The following TNRC18 variants were observed in gnomAD, a reference collection of about 807,000 sequenced individuals.
TNRC18 encodes trinucleotide repeat-containing gene 18 protein.
TNRC18 carries 69 observed loss-of-function variants against 226.7 expected under a neutral mutation model. That is an observed-to-expected ratio of 0.30 (90% CI 0.25 to 0.37). TNRC18 has a LOEUF of 0.37. Among genes scored for constraint, TNRC18 ranks in the 10% least tolerant of loss-of-function variants. The pLI is 1.00. For synonymous variants in TNRC18, 2,449 were observed against 1,927.6 expected (o/e 1.27, Z -7.09); for missense variants, 4,754 against 4,256.6 (o/e 1.12, Z -3.25).
Position 5,313,859 on chromosome 7 carries a change from T to A in TNRC18, c.7032A>T (p.Arg2344Ser). 1 of 1,475,110 alleles carries A rather than the reference T, an allele frequency of 6.8e-7. No individual in the cohort carries two copies. 91.4% of individuals were successfully genotyped at this position (1,475,110 alleles called of 1,614,324 possible). ...GGTTCCCCTCCTCCAGGGTAGCGGCTCTGTCTGCAAAACAAAACAGATGAG... is the reference window on the plus strand; with the variant it reads ...GGTTCCCCTCCTCCAGGGTAGCGGCACTGTCTGCAAAACAAAACAGATGAG... ...RKPSAKAKGD[R>S]AATLEEGNPT... is the part of the protein sequence containing the mutation. Residue 2344 changes from arginine to serine, a missense_variant, in exon 27 of 30, where the codon AGA becomes AGT. Physicochemically the swap from Arg to Ser is moderately radical, Grantham distance 110. Coordinates refer to ENST00000430969, the MANE Select transcript of TNRC18 (RefSeq NM_001080495.3).
intron 4 of TNRC18, chr7:5,389,540 C>T: frequency 1.9e-6 from 1 of 519,952 alleles, no homozygotes; most frequent in Non-Finnish European, 2.8e-6. Flanking sequence ...CTGCAACCTC[C>T]ACCTCCTGGG....
At chr7:5,343,125 G>A (rs1008508762) in intron 18 of TNRC18, among the ~76,000 whole-genome samples, 12 of 152,122 alleles carry the variant, frequency 7.9e-5, no homozygotes, top group Non-Finnish European at 1.3e-4. Context: ...AGGCCGAGGC[G>A]GACAGATCAC....
chr7:5,376,094 G>A lies in TNRC18; in HGVS notation c.2739C>T (p.Phe913=), dbSNP rs766095131. Residue 913 remains phenylalanine (F), a synonymous_variant, in exon 9 of 30, where the codon TTC becomes TTT. Transcript: ENST00000430969. Reference sequence around the variant, plus strand: ...GGGCCGCCTGCTGCTGCAGGTACAGGAACTCCTGCTGCCGCAGGAAGTGCT... The same window carrying A: ...GGGCCGCCTGCTGCTGCAGGTACAGAAACTCCTGCTGCCGCAGGAAGTGCT... The part of the protein sequence containing the change: ...SQQHFLRQQE[F]LYLQQQAAQA... 39 of 1,594,154 alleles carry A rather than the reference G, an allele frequency of 2.4e-5. No homozygotes were observed. The highest frequency in any genetic ancestry group is 2.4e-4 in the South Asian group (21 of 87,818).
intron 4 of TNRC18, 152 bp downstream of exon 4, chr7:5,390,333 T>A (rs1780191885): frequency 1.2e-6 from 1 of 832,518 alleles, no homozygotes; most frequent in Non-Finnish European, 1.8e-6. Context: ...CACTCCAGCC[T>A]GGGCAACATA....
chr7:5,345,668 G>T lies in TNRC18; in HGVS notation c.5613C>A (p.Phe1871Leu). The change falls in exon 18 of 30, where the codon TTC (phenylalanine) becomes TTA (leucine). Residue 1871 changes from phenylalanine to leucine, a missense_variant. By Grantham distance (22) the Phe-to-Leu change is conservative. Coordinates refer to ENST00000430969, the MANE Select transcript of TNRC18 (RefSeq NM_001080495.3). ...TGGGGCTGGGGAGGGCGCTGGCGGC[G>T]AAGCGTGCCAGCAGGCCCAGCCCAC... The part of the protein sequence containing the change: ...EESGLGLLAR[F>L]AASALPSPTV... 1 of 1,551,880 alleles carries T rather than the reference G, an allele frequency of 6.4e-7. No homozygotes were observed. Among genetic ancestry groups the T allele is most frequent in the Middle Eastern group, 1.7e-4 (1 of 5,982 alleles).
Position 5,352,114 on chromosome 7 carries a change from T to C in TNRC18, c.5195-20A>G. 6.3e-7 allele frequency: 1 copy of C among 1,583,088 alleles called. No homozygotes were observed. Among genetic ancestry groups the C allele is most frequent in the East Asian group, 2.3e-5 (1 of 44,374 alleles). On this transcript the variant is annotated intron_variant, in intron 16 of 29. Coordinates refer to ENST00000430969, the MANE Select transcript of TNRC18 (RefSeq NM_001080495.3). Reference sequence around the variant, plus strand: ...CCGTATCTGCAGTCAAAGTAGTTTTTAATAGAGATAAGTCACAGGGCAGCA... The same window carrying C: ...CCGTATCTGCAGTCAAAGTAGTTTTCAATAGAGATAAGTCACAGGGCAGCA...
rs541723803 is a variant in TNRC18 at position 5,388,991 on chromosome 7, G to C, written c.833C>G (p.Pro278Arg). 7.3e-7 allele frequency: 1 copy of C among 1,370,666 alleles called. No homozygotes were observed. Among genetic ancestry groups the C allele is most frequent in the Non-Finnish European group, 9.5e-7 (1 of 1,054,864 alleles). 84.9% of individuals were successfully genotyped at this position (1,370,666 alleles called of 1,614,324 possible). Residue 278 changes from proline to arginine, a missense_variant, in exon 5 of 30, where the codon CCG (proline) becomes CGG (arginine). By Grantham distance (103) the Pro-to-Arg change is moderately radical. Coordinates refer to ENST00000430969, the MANE Select transcript of TNRC18 (RefSeq NM_001080495.3). Reference sequence around the variant, plus strand: ...GCCGTTGCACATGGTCAGTACCGACGGCTGCAGCGCCGCATTCTTGGTCTT... The same window carrying C: ...GCCGTTGCACATGGTCAGTACCGACCGCTGCAGCGCCGCATTCTTGGTCTT... ...ESKTKNAALQPSVLTMCNGGA... is the reference protein window; with the variant it reads ...ESKTKNAALQRSVLTMCNGGA...
chr7:5,413,114 C>A (rs1425833844), intron 2 of TNRC18, among the ~76,000 whole-genome samples: 2 of 152,164 alleles, frequency 1.3e-5, no homozygotes, highest in Non-Finnish European at 1.5e-5. Flanking sequence ...GAGAACAGCT[C>A]CAGCCCATCC....
rs765161351 is a variant in TNRC18, at chr7:5,313,834, G to A, written c.7057C>T (p.Pro2353Ser). The change falls in exon 27 of 30, where the codon CCA becomes TCA. Residue 2353 changes from proline to serine, a missense_variant. Transcript: ENST00000430969. ...GGGGTACTGGGGACCTCGTCTGTTG[G>A]GTTCCCCTCCTCCAGGGTAGCGGCT... ...DRAATLEEGN[P>S]TDEVPSTPLA... is the part of the protein sequence containing the mutation. The A allele has an allele frequency of 6.7e-6, 10 of 1,499,298 alleles. No individual in the cohort carries two copies. The East Asian group carries it at 1.4e-4, about 21-fold the overall frequency. 92.9% of individuals were successfully genotyped at this position (1,499,298 alleles called of 1,614,324 possible). A position where few individuals can be genotyped will look rare whatever the true frequency, so the allele number is the denominator to read the frequency against.
At chr7:5,364,407 A>G (rs986496688) in intron 11 of TNRC18, among the ~76,000 whole-genome samples, 7 of 151,496 alleles carry the variant, frequency 4.6e-5, no homozygotes, top group African/African-American at 1.2e-4. Context: ...GCAGTAAGCC[A>G]TGATCACACC....
At chr7:5,337,487 A>AC (rs1444247563) in intron 18 of TNRC18, among the ~76,000 whole-genome samples, 3 of 151,860 alleles carry the variant, frequency 2.0e-5, no homozygotes, top group African/African-American at 7.3e-5. Context: ...GTTTCAAAAA[A>AC]AAAAAAGGAA....
intron 19 of TNRC18, among the ~76,000 whole-genome samples, chr7:5,325,825 C>G (rs1225647248): frequency 6.7e-6 from 1 of 150,242 alleles, no homozygotes; most frequent in African/African-American, 2.5e-5. Flanking sequence ...CAGCCTCGAC[C>G]TCCTGGGCTC....
intron 2 of TNRC18, chr7:5,419,878 A>C (rs1782438764): frequency 6.5e-6 from 1 of 152,758 alleles, no homozygotes; most frequent in African/African-American, 2.4e-5. Context: ...CGGGCGGGGC[A>C]AGGCCGAGGT....
intron 22 of TNRC18, 138 bp downstream of exon 22, chr7:5,320,935 A>G (rs1439074947): frequency 2.9e-6 from 2 of 681,866 alleles, no homozygotes; most frequent in East Asian, 2.8e-5. Flanking sequence ...GTCAGCTCTG[A>G]GCCCACTCAT....
At chr7:5,371,500 G>A in intron 10 of TNRC18, 136 bp from the exon 11 acceptor site, 1 of 1,169,298 alleles carries the variant, frequency 8.6e-7, no homozygotes, top group Non-Finnish European at 1.1e-6. Context: ...GGTGGGAGCT[G>A]TTCTAGGTGG....
At chr7:5,398,229 G>T (rs1780833495) in intron 2 of TNRC18, among the ~76,000 whole-genome samples, 1 of 151,622 alleles carries the variant, frequency 6.6e-6, no homozygotes, top group African/African-American at 2.4e-5. Flanking sequence ...GGAGTGCAAT[G>T]GCGCGATCTC....
chr7:5,334,864 G>C (rs1005124757), intron 18 of TNRC18, among the ~76,000 whole-genome samples: 5 of 152,112 alleles, frequency 3.3e-5, no homozygotes, highest in Admixed American at 2.6e-4. Flanking sequence ...AGATCTCCCT[G>C]CACCCTCTAC....
At chr7:5,400,720 A>C (rs919893357) in intron 2 of TNRC18, among the ~76,000 whole-genome samples, 2 of 152,182 alleles carry the variant, frequency 1.3e-5, no homozygotes, top group African/African-American at 2.4e-5. Context: ...ATTGTATGCC[A>C]CGTGAATTTC....
chr7:5,404,876 G>A (rs2128212783), intron 2 of TNRC18, among the ~76,000 whole-genome samples: 1 of 152,036 alleles, frequency 6.6e-6, no homozygotes, highest in East Asian at 1.9e-4. Flanking sequence ...CACTTTGGGA[G>A]GCCGAGGCGG....
Sources: allele counts gnomAD v4.1 joint callset (sites outside exome capture counted in the v4.1 genomes callset), GRCh38; gene constraint gnomAD v4.1.1; transcripts MANE v1.5; gene names NCBI Gene and HGNC (gene_info 2026-07-23, HGNC 2026-07-21).